OLFM3: variants seen among roughly 807,000 people sequenced by gnomAD.
OLFM3 encodes noelin-3.
In OLFM3, 20 loss-of-function variants were observed where a neutral mutation model predicts 48.6. The ratio of observed to expected loss-of-function variants is 0.41; its 90% CI spans 0.29 to 0.60. OLFM3 has a LOEUF of 0.60. Ranked by LOEUF, OLFM3 falls within the 20% of genes least tolerant of loss-of-function variation. The pLI, the probability that OLFM3 is intolerant of heterozygous loss-of-function variation, is 0.28. For synonymous variants in OLFM3, 222 were observed against 198.1 expected, an observed-to-expected ratio of 1.12 and a Z score of -1.01; for missense variants, 437 against 544.3, an observed-to-expected ratio of 0.80 and a Z score of 1.96.
intron 1 of OLFM3, among the ~76,000 whole-genome samples, chr1:101,940,254 C>A (rs1315049186): frequency 1.3e-5 from 2 of 151,572 alleles, no homozygotes; most frequent in Non-Finnish European, 2.9e-5. Context: ...AGAATATTTT[C>A]TTGTTTCTTG....
At chr1:101,850,398 TAATA>T (rs1170161732) in intron 1 of OLFM3, among the ~76,000 whole-genome samples, 1 of 152,124 alleles carries the variant, frequency 6.6e-6, no homozygotes, top group African/African-American at 2.4e-5. Context: ...ATATAGTAAA[TAATA>T]AATAAGCAAA....
intron 2 of OLFM3, among the ~76,000 whole-genome samples, chr1:101,835,847 G>A (rs1296780701): frequency 6.6e-6 from 1 of 152,094 alleles, no homozygotes; most frequent in Non-Finnish European, 1.5e-5. Context: ...AAATCTTAGA[G>A]CATCAATATA....
chr1:101,808,097 A>C (rs1653865629), intron 4 of OLFM3, among the ~76,000 whole-genome samples: 1 of 150,156 alleles, frequency 6.7e-6, no homozygotes, highest in East Asian at 2.0e-4. Context: ...AGTGTAACAA[A>C]TAGAAGGGCC....
At chr1:101,840,457 G>A (rs966931899) in intron 1 of OLFM3, among the ~76,000 whole-genome samples, 1 of 143,694 alleles carries the variant, frequency 7.0e-6, no homozygotes, top group Non-Finnish European at 1.5e-5. Flanking sequence ...TGTACTGAGA[G>A]AGTCTTATTT....
At chr1:101,824,565 T>C (rs562284029) in intron 4 of OLFM3, among the ~76,000 whole-genome samples, 2 of 152,214 alleles carry the variant, frequency 1.3e-5, no homozygotes, top group East Asian at 3.9e-4. Context: ...TTATTTCCAT[T>C]TGCTTTAATA....
intron 1 of OLFM3, among the ~76,000 whole-genome samples, chr1:101,883,581 C>A (rs1176206887): frequency 6.6e-6 from 1 of 151,820 alleles, no homozygotes; most frequent in African/African-American, 2.4e-5. Context: ...CCAATTATGT[C>A]TTTCACTGCA....
At chr1:101,808,482 T>C (rs1045699397) in intron 4 of OLFM3, among the ~76,000 whole-genome samples, 1 of 151,838 alleles carries the variant, frequency 6.6e-6, no homozygotes, top group Non-Finnish European at 1.5e-5. Context: ...GTAGAAAGAA[T>C]GCTAGGAGTG....
chr1:101,832,730 T>C (rs1655222575), intron 2 of OLFM3, among the ~76,000 whole-genome samples: 1 of 152,216 alleles, frequency 6.6e-6, no homozygotes, highest in East Asian at 1.9e-4. Context: ...TAATAATAAG[T>C]ATTTAGAATT....
chr1:101,921,022 A>C (rs749782500), intron 1 of OLFM3, among the ~76,000 whole-genome samples: 1 of 152,126 alleles, frequency 6.6e-6, no homozygotes, highest in Non-Finnish European at 1.5e-5. Flanking sequence ...CACCTTCTCC[A>C]TAAGCCCAAA....
chr1:101,870,346 G>C (rs529058011), intron 1 of OLFM3, among the ~76,000 whole-genome samples: 1 of 152,198 alleles, frequency 6.6e-6, no homozygotes, highest in Admixed American at 6.5e-5. Flanking sequence ...TTCCCAGACA[G>C]TTTTAGCTAC....
chr1:101,838,631 T>G (rs1250327774), intron 1 of OLFM3, among the ~76,000 whole-genome samples: 1 of 152,150 alleles, frequency 6.6e-6, no homozygotes, highest in Non-Finnish European at 1.5e-5. Context: ...ATTAAAAAGT[T>G]CTTTTCATTA....
chr1:101,873,261 T>G (rs532818547), intron 1 of OLFM3, among the ~76,000 whole-genome samples: 1 of 151,940 alleles, frequency 6.6e-6, no homozygotes, highest in Admixed American at 6.6e-5. Flanking sequence ...TATATTCATT[T>G]ATAAGAACAT....
chr1:101,904,890 A>G lies in OLFM3; in HGVS notation c.70-67865T>C, dbSNP rs1373547063. ...AACCAATGCCCAGCTAATGTCTCAGATAACTCCCTTTCAGCATGTGGTAGA... is the reference window on the plus strand; with the variant it reads ...AACCAATGCCCAGCTAATGTCTCAGGTAACTCCCTTTCAGCATGTGGTAGA... On this transcript the variant is annotated intron_variant, in intron 1 of 5. Transcript: ENST00000370103. Among the ~76,000 whole-genome samples the G allele has an allele frequency of 5.3e-5, 8 of 152,214 alleles. No individual in the cohort carries two copies. In the East Asian group the frequency reaches 1.5e-3, roughly 29 times the overall value.
chr1:101,973,929 C>T (rs1406041936), intron 1 of OLFM3, among the ~76,000 whole-genome samples: 1 of 151,598 alleles, frequency 6.6e-6, no homozygotes, highest in African/African-American at 2.4e-5. Context: ...ACTGTTTTCC[C>T]AAGGATTTTG....
Position 101,804,054 on chromosome 1 carries a change from G to A in OLFM3, c.*184C>T. ...TAGGCCTTGTAAATTTAGAAGTTAA[G>A]ATGTGTTTCCAACATGGTAAGTTAG... On this transcript the variant is annotated 3_prime_UTR_variant, in exon 6 of 6. Transcript: ENST00000370103. This position sits in a 1 kb window ranked among gnomAD's most constrained non-coding sequence, Gnocchi z 4.5. 4.2e-6 allele frequency: 2 copies of A among 477,762 alleles called. No individual in the cohort carries two copies. Among genetic ancestry groups the A allele is most frequent in the Non-Finnish European group, 7.3e-6 (2 of 273,796 alleles). 29.6% of individuals were successfully genotyped at this position (477,762 alleles called of 1,614,324 possible).
At chr1:101,985,327 G>T (rs1233470984) in intron 1 of OLFM3, among the ~76,000 whole-genome samples, 2 of 152,160 alleles carry the variant, frequency 1.3e-5, no homozygotes, top group Admixed American at 1.3e-4. Flanking sequence ...CAGGTTTTGC[G>T]AATTAGAAAG....
intron 1 of OLFM3, among the ~76,000 whole-genome samples, chr1:101,954,038 A>G (rs962120715): frequency 6.6e-6 from 1 of 152,128 alleles, no homozygotes; most frequent in African/African-American, 2.4e-5. Context: ...CACGGTGCTA[A>G]TACTTTATTT....
At chr1:101,887,434 TATAAC>T (rs937476995) in intron 1 of OLFM3, among the ~76,000 whole-genome samples, 1 of 151,914 alleles carries the variant, frequency 6.6e-6, no homozygotes, top group African/African-American at 2.4e-5. Context: ...GAAATGAACA[TATAAC>T]ATATTTAAAA....
chr1:101,803,142 T>G lies in OLFM3; in HGVS notation c.*1096A>C, dbSNP rs1348199177. On this transcript the variant is annotated 3_prime_UTR_variant, in exon 6 of 6. Coordinates refer to ENST00000370103, the MANE Select transcript of OLFM3 (RefSeq NM_058170.4). ...AACTCCTCAGGGCTCATAATCTAAA[T>G]CTAGAGGACATTACAGAATTTTTTT... is the stretch of plus-strand genomic sequence containing the variant. 1 of 152,074 alleles carries G rather than the reference T, an allele frequency of 6.6e-6. No individual in the cohort carries two copies. Among genetic ancestry groups the G allele is most frequent in the African/African-American group, 2.4e-5 (1 of 41,374 alleles). The allele number at this position is 152,074 out of a possible 1,614,324, so 9.4% of individuals were successfully genotyped here. A position where few individuals can be genotyped will look rare whatever the true frequency, so the allele number is the denominator to read the frequency against.
Sources: gnomAD v4.1 joint callset for allele counts (sites outside exome capture counted in the v4.1 genomes callset) on GRCh38, gnomAD v4.1.1 for gene constraint, Gnocchi (gnomAD v3.1) non-coding constraint, MANE v1.5 for transcripts, NCBI Gene and HGNC (gene_info 2026-07-23, HGNC 2026-07-21) for gene names.